PDIA4: variants seen among roughly 807,000 people sequenced by gnomAD.
The protein encoded by PDIA4 is protein disulfide-isomerase A4.
A neutral mutation model predicts 62.1 loss-of-function variants in PDIA4; 33 were observed. That is an observed-to-expected ratio of 0.53 (90% CI 0.40 to 0.71). The LOEUF (loss-of-function observed/expected upper bound fraction) is 0.71. Among genes scored for constraint, PDIA4 ranks in the 30% least tolerant of loss-of-function variants. The pLI is 0.00. For synonymous variants in PDIA4, 341 were observed against 324.1 expected (o/e 1.05, Z -0.56); for missense variants, 804 against 813.6 (o/e 0.99, Z 0.14).
At chr7:149,005,111 G>C (rs1389004842) in intron 9 of PDIA4, 30 bp downstream of exon 9, 2 of 1,546,890 alleles carry the variant, frequency 1.3e-6, no homozygotes, top group African/African-American at 2.7e-5. Context: ...AGCAGCTGAT[G>C]GGAGACCCCA....
At chr7:149,021,480 C>A (rs1218267120) in intron 1 of PDIA4, among the ~76,000 whole-genome samples, 3 of 98,554 alleles carry the variant, frequency 3.0e-5, no homozygotes, top group African/African-American at 3.8e-5. Context: ...CAGAGTGACA[C>A]TTCATCTCAA....
chr7:149,014,389 G>C (rs1350491180), intron 4 of PDIA4, among the ~76,000 whole-genome samples: 1 of 152,066 alleles, frequency 6.6e-6, no homozygotes, highest in East Asian at 1.9e-4. Flanking sequence ...AACCACAGCT[G>C]ACCCACCACA....
chr7:149,027,371 C>T (rs2129506107), intron 1 of PDIA4, among the ~76,000 whole-genome samples: 1 of 152,138 alleles, frequency 6.6e-6, no homozygotes, highest in Non-Finnish European at 1.5e-5. Flanking sequence ...CAGTGACCCA[C>T]GCAGAAGTTA....
chr7:149,006,430 G>A (rs1823758998), intron 7 of PDIA4: 1 of 193,360 alleles, frequency 5.2e-6, no homozygotes, highest in South Asian at 9.1e-5. Flanking sequence ...TCTTCACGCA[G>A]GAGGTCCTGA....
At chr7:149,010,647 C>T (rs1009212177) in intron 6 of PDIA4, among the ~76,000 whole-genome samples, 1 of 152,138 alleles carries the variant, frequency 6.6e-6, no homozygotes, top group African/African-American at 2.4e-5. Context: ...ACCCTTTCAT[C>T]CCCCAGCCGC....
At chr7:149,028,112 C>T in intron 1 of PDIA4, 3 of 597,446 alleles carry the variant, frequency 5.0e-6, no homozygotes, top group Non-Finnish European at 9.1e-6. Flanking sequence ...ACCTTCCTCT[C>T]CCGGGAACCC....
At chr7:149,017,650 T>C (rs1033286133) in intron 3 of PDIA4, among the ~76,000 whole-genome samples, 2 of 141,262 alleles carry the variant, frequency 1.4e-5, no homozygotes, top group African/African-American at 6.1e-5. Context: ...AAATACATTT[T>C]ATCAAAATAA....
intron 6 of PDIA4, among the ~76,000 whole-genome samples, chr7:149,011,321 T>G (rs1482166797): frequency 6.6e-6 from 1 of 152,178 alleles, no homozygotes; most frequent in Non-Finnish European, 1.5e-5. Context: ...AGAACACTAT[T>G]GCTGACAGCT....
chr7:149,007,074 G>A (rs907314820), intron 7 of PDIA4, among the ~76,000 whole-genome samples: 1 of 152,206 alleles, frequency 6.6e-6, no homozygotes, highest in Non-Finnish European at 1.5e-5. Flanking sequence ...GGAAGGAAGT[G>A]AAGCTGGGGG....
intron 1 of PDIA4, 40 bp downstream of exon 1, chr7:149,028,281 C>G (rs1824630889): frequency 6.9e-7 from 1 of 1,450,976 alleles, no homozygotes; most frequent in Non-Finnish European, 9.3e-7. Flanking sequence ...TCTGCAGCCC[C>G]CGCAAGCACA....
intron 2 of PDIA4, among the ~76,000 whole-genome samples, chr7:149,019,780 C>G (rs1473655290): frequency 6.6e-6 from 1 of 152,128 alleles, no homozygotes; most frequent in Admixed American, 6.5e-5. Context: ...CATTGCATTC[C>G]AACCTGGGCA....
intron 1 of PDIA4, among the ~76,000 whole-genome samples, chr7:149,026,157 G>A (rs1268599448): frequency 6.6e-6 from 1 of 152,150 alleles, no homozygotes; most frequent in African/African-American, 2.4e-5. Flanking sequence ...AAATAAATCT[G>A]TTGGACAAGT....
At chr7:149,012,041 G>A in intron 5 of PDIA4, 37 bp from the exon 6 acceptor site, 1 of 1,598,454 alleles carries the variant, frequency 6.3e-7, no homozygotes, top group Non-Finnish European at 8.5e-7. Flanking sequence ...GGGGCACTAA[G>A]AACTGCCCAC....
At chr7:149,020,486 A>G (rs1251468850) in intron 2 of PDIA4, among the ~76,000 whole-genome samples, 1 of 152,176 alleles carries the variant, frequency 6.6e-6, no homozygotes, top group East Asian at 1.9e-4. Flanking sequence ...AGAAGTGGGG[A>G]TGCCTGACTG....
intron 9 of PDIA4, 150 bp from the exon 10 acceptor site, chr7:149,004,359 GCTACTCT>G: frequency 1.4e-6 from 1 of 736,256 alleles, no homozygotes; most frequent in Non-Finnish European, 2.2e-6. Flanking sequence ...AGTAGTAGCT[GCTACTCT>G]CTACTCTCTG....
chr7:149,020,407 T>C (rs575239119), intron 2 of PDIA4, among the ~76,000 whole-genome samples: 2 of 151,916 alleles, frequency 1.3e-5, no homozygotes, highest in South Asian at 2.1e-4. Context: ...TTCAAAACAG[T>C]AGAGGAGAAG....
intron 1 of PDIA4, among the ~76,000 whole-genome samples, chr7:149,026,815 A>C (rs1243345243): frequency 1.3e-5 from 2 of 151,728 alleles, no homozygotes; most frequent in Non-Finnish European, 2.9e-5. Flanking sequence ...AAAAAAAAAA[A>C]AACGGAGCTA....
At chr7:149,026,152 A>T (rs1464938937) in intron 1 of PDIA4, among the ~76,000 whole-genome samples, 1 of 152,166 alleles carries the variant, frequency 6.6e-6, no homozygotes, top group Non-Finnish European at 1.5e-5. Context: ...ACTTGAAATA[A>T]ATCTGTTGGA....
chr7:149,005,799 T>A, intron 8 of PDIA4, 98 bp downstream of exon 8: 1 of 996,036 alleles, frequency 1.0e-6, no homozygotes, highest in Non-Finnish European at 1.4e-6. Flanking sequence ...GAGTGAGCCA[T>A]GTACATACAG....
Sources: gnomAD v4.1 joint callset for allele counts (sites outside exome capture counted in the v4.1 genomes callset) on GRCh38, gnomAD v4.1.1 for gene constraint, MANE v1.5 for transcripts, NCBI Gene and HGNC (gene_info 2026-07-23, HGNC 2026-07-21) for gene names.